Variants in ZBBX observed in about 807,000 individuals in gnomAD.
ZBBX encodes the protein zinc finger B-box domain-containing protein 1.
In ZBBX, 101 loss-of-function variants were observed where a neutral mutation model predicts 108.5. The observed-to-expected ratio is 0.93, with a 90% CI of 0.79 to 1.10. The LOEUF is 1.10. ZBBX is among the 50% of genes least tolerant of loss of function. The pLI, the probability that ZBBX is intolerant of heterozygous loss-of-function variation, is 0.00. For synonymous variants in ZBBX, 356 were observed against 323.4 expected, an observed-to-expected ratio of 1.10 and a Z score of -1.08; for missense variants, 1,009 against 941.4, an observed-to-expected ratio of 1.07 and a Z score of -0.94.
intron 19 of ZBBX, among the ~76,000 whole-genome samples, chr3:167,287,894 C>T (rs906598623): frequency 1.2e-4 from 18 of 152,096 alleles, no homozygotes; most frequent in South Asian, 4.2e-4. Flanking sequence ...TCTAAGATAG[C>T]CAGAGAGTTT....
chr3:167,205,675 G>T, the ZBBX span, among the ~76,000 whole-genome samples: 4 of 152,090 alleles, frequency 2.6e-5, no homozygotes, highest in Non-Finnish European at 5.9e-5. Flanking sequence ...TATTTTGTCT[G>T]CATTTTACAG....
At chr3:167,225,784 T>A in the ZBBX span, among the ~76,000 whole-genome samples, 48,395 of 151,574 alleles carry the variant, frequency 0.32, 8,160 homozygotes, top group East Asian at 0.65. Context: ...TCACCTGGGA[T>A]CTTCCTCTGA....
intron 20 of ZBBX, among the ~76,000 whole-genome samples, chr3:167,279,638 G>T (rs1410132556): frequency 6.6e-6 from 1 of 151,894 alleles, no homozygotes; most frequent in Admixed American, 6.6e-5. Context: ...CTCATGGGTA[G>T]GAAGAATCAA....
Position 167,282,505 on chromosome 3 carries a change from A to C in ZBBX, c.1997-10T>G, listed in dbSNP as rs945899431. 2 of 1,587,856 alleles carry C rather than the reference A, an allele frequency of 1.3e-6. No homozygotes were observed. Among genetic ancestry groups the C allele is most frequent in the African/African-American group, 2.7e-5 (2 of 73,092 alleles). Reference sequence around the variant, plus strand: ...CTCTGTGATTTCTGACCTAAAATTAAAAGTAAAAAGTTTTTAAATCAACTT... The same window carrying C: ...CTCTGTGATTTCTGACCTAAAATTACAAGTAAAAAGTTTTTAAATCAACTT... On this transcript the variant is annotated splice_polypyrimidine_tract_variant and intron_variant, in intron 19 of 21. Transcript: ENST00000675490.
chr3:167,331,397 A>G (rs890025599), intron 10 of ZBBX, among the ~76,000 whole-genome samples: 9 of 152,186 alleles, frequency 5.9e-5, no homozygotes, highest in African/African-American at 2.2e-4. Context: ...ATGTCAGTGT[A>G]TGTATGTATA....
chr3:167,338,228 T>C (rs972717662), intron 9 of ZBBX, among the ~76,000 whole-genome samples: 1 of 152,148 alleles, frequency 6.6e-6, no homozygotes, highest in African/African-American at 2.4e-5. Flanking sequence ...TCACCTAAAC[T>C]TTTTTTCTGC....
intron 20 of ZBBX, among the ~76,000 whole-genome samples, chr3:167,248,890 T>G (rs1328922908): frequency 6.6e-6 from 1 of 152,194 alleles, no homozygotes; most frequent in East Asian, 1.9e-4. Context: ...ACTGCATCAG[T>G]ATCCATGGCC....
At chr3:167,182,941 C>T in the ZBBX span, among the ~76,000 whole-genome samples, 2 of 152,176 alleles carry the variant, frequency 1.3e-5, no homozygotes. Flanking sequence ...CTCTATATCA[C>T]CCTCTCATCT....
the ZBBX span, among the ~76,000 whole-genome samples, chr3:167,225,941 A>G: frequency 6.6e-6 from 1 of 151,618 alleles, no homozygotes; most frequent in Admixed American, 6.6e-5. Flanking sequence ...TTCAGTTATA[A>G]AAGCCTATTC....
chr3:167,324,216 C>T (rs1736973431), intron 11 of ZBBX, among the ~76,000 whole-genome samples: 1 of 151,980 alleles, frequency 6.6e-6, no homozygotes, highest in Non-Finnish European at 1.5e-5. Flanking sequence ...ATGATCATAG[C>T]TCACTGTAAC....
Position 167,317,606 on chromosome 3 carries a change from TAAGA to T in ZBBX, c.984-13_984-10del. ...GTTGCTCTTGTGGAGTTCTACAAAA[TAAGA>T]AAGAAGCAATTAAGAGACTGAAATA... On this transcript the variant is annotated splice_polypyrimidine_tract_variant and intron_variant, in intron 12 of 21. Coordinates refer to ENST00000675490, the MANE Select transcript of ZBBX (RefSeq NM_001199201.2). 12 of 1,586,920 alleles carry T rather than the reference TAAGA, an allele frequency of 7.6e-6. No individual in the cohort carries two copies. The highest frequency in any genetic ancestry group is 1.0e-5 in the Non-Finnish European group (12 of 1,163,152).
chr3:167,371,366 C>T (rs1746131299), intron 4 of ZBBX, among the ~76,000 whole-genome samples: 1 of 152,164 alleles, frequency 6.6e-6, no homozygotes, highest in African/African-American at 2.4e-5. Flanking sequence ...AATAACTACC[C>T]AACTAACTGC....
intron 5 of ZBBX, among the ~76,000 whole-genome samples, chr3:167,367,638 A>C (rs1227796506): frequency 2.0e-5 from 3 of 151,476 alleles, no homozygotes; most frequent in African/African-American, 7.2e-5. Flanking sequence ...TACTCACTGA[A>C]AACAAAATAC....
In ZBBX at chr3:167,388,898, TATA is replaced by T. The variant is rs1230213144; in HGVS notation, c.-445-8496_-445-8494del. 4.6e-5 allele frequency among the ~76,000 whole-genome samples: 7 copies of T among 152,232 alleles called. No homozygotes were observed. In the East Asian group the frequency reaches 1.4e-3, roughly 29 times the overall value. The stretch of plus-strand genomic sequence containing the variant: ...TCATGTCTTAAATTTGCATTTCTTT[TATA>T]ATAAGCTTCAACATTTTCTAATGAC... On this transcript the variant is annotated intron_variant, in intron 1 of 21. Coordinates refer to the ZBBX transcript ENST00000455345.
chr3:167,243,426 T>C (rs1721025344), intron 20 of ZBBX, among the ~76,000 whole-genome samples: 1 of 152,060 alleles, frequency 6.6e-6, no homozygotes, highest in African/African-American at 2.4e-5. Context: ...TAGACAGAAT[T>C]TCGGTCTTGT....
chr3:167,314,365 T>C (rs1011182473), intron 15 of ZBBX, among the ~76,000 whole-genome samples: 3 of 152,214 alleles, frequency 2.0e-5, no homozygotes, highest in African/African-American at 4.8e-5. Context: ...GTTGAAAGTT[T>C]GTTTTCCAAA....
At chr3:167,389,699 T>A (rs1416922707) in intron 1 of ZBBX, among the ~76,000 whole-genome samples, 2 of 152,194 alleles carry the variant, frequency 1.3e-5, no homozygotes, top group Non-Finnish European at 2.9e-5. Context: ...TATCTCATTG[T>A]GGTTTTGATT....
At chr3:167,404,821 G>A (rs1468656976) in intron 1 of ZBBX, among the ~76,000 whole-genome samples, 1 of 152,136 alleles carries the variant, frequency 6.6e-6, no homozygotes, top group Non-Finnish European at 1.5e-5. Flanking sequence ...AAAAGATATT[G>A]AAGAATGGAG....
intron 1 of ZBBX, among the ~76,000 whole-genome samples, chr3:167,389,366 T>G (rs530700693): frequency 3.0e-4 from 46 of 152,314 alleles, no homozygotes; most frequent in African/African-American, 1.1e-3. Flanking sequence ...ATTTTGTTTA[T>G]CCAGTCTATC....
Sources: allele counts gnomAD v4.1 joint callset (sites outside exome capture counted in the v4.1 genomes callset), GRCh38; gene constraint gnomAD v4.1.1; transcripts MANE v1.5; gene names NCBI Gene and HGNC (gene_info 2026-07-23, HGNC 2026-07-21).